The following DOCK6 variants were observed in gnomAD, a reference collection of about 807,000 sequenced individuals.
DOCK6 encodes dedicator of cytokinesis 6, also known as dedicator of cytokinesis protein 6.
A neutral mutation model predicts 230.3 loss-of-function variants in DOCK6; 167 were observed. The ratio of observed to expected loss-of-function variants is 0.73; its 90% CI spans 0.64 to 0.82. The LOEUF (loss-of-function observed/expected upper bound fraction) is 0.82, where lower values mean the gene tolerates loss of function less well. Among genes scored for constraint, DOCK6 ranks in the 40% least tolerant of loss-of-function variants. The pLI is 0.00. For synonymous variants in DOCK6, 1,148 were observed against 1,185.0 expected, an observed-to-expected ratio of 0.97 and a Z score of 0.64; for missense variants, 2,598 against 2,825.8, an observed-to-expected ratio of 0.92 and a Z score of 1.83.
At chr19:11,245,983 G>T in intron 7 of DOCK6, 105 bp from the exon 8 acceptor site, 2 of 1,312,212 alleles carry the variant, frequency 1.5e-6, no homozygotes, top group Non-Finnish European at 2.1e-6. Flanking sequence ...CTCCCACTGG[G>T]CCACATGGAA....
At chr19:11,235,504 G>T in intron 21 of DOCK6, 94 bp downstream of exon 21, 1 of 1,277,542 alleles carries the variant, frequency 7.8e-7, no homozygotes, top group Non-Finnish European at 1.1e-6. Flanking sequence ...ATCCAGCTCG[G>T]CCTCCCAAAG....
intron 1 of DOCK6, among the ~76,000 whole-genome samples, chr19:11,255,471 GC>G (rs2147886223): frequency 6.6e-6 from 1 of 151,984 alleles, no homozygotes; most frequent in African/African-American, 2.4e-5. Flanking sequence ...GCACCACCAT[GC>G]CTGGTTAATC....
chr19:11,252,413 C>T, intron 4 of DOCK6, 69 bp downstream of exon 4: 1 of 1,594,394 alleles, frequency 6.3e-7, no homozygotes, highest in Non-Finnish European at 8.6e-7. Context: ...CACAGTAGGA[C>T]CGGCTGCAGA....
At chr19:11,206,562 GAAAA>G (rs149263586) in intron 39 of DOCK6, among the ~76,000 whole-genome samples, 2,651 of 144,778 alleles carry the variant, frequency 0.018, 89 homozygotes, top group African/African-American at 0.064. Flanking sequence ...CCCTGTCTCA[GAAAA>G]AAAAAAGAAA....
chr19:11,228,164 C>T lies in DOCK6; in HGVS notation c.2815-687G>A, dbSNP rs116162188. On this transcript the variant is annotated intron_variant, in intron 23 of 47. Coordinates refer to ENST00000294618, the MANE Select transcript of DOCK6 (RefSeq NM_020812.4). ...TAGCTGAGATTACAGGCACGCACTA[C>T]TACGCCCGGCTAACTTTTGTATTTT... 1.7e-3 allele frequency among the ~76,000 whole-genome samples: 256 copies of T among 152,168 alleles called. 1 individual carries two copies. The highest frequency in any genetic ancestry group is 0.01 in the Middle Eastern group (3 of 294).
At chr19:11,253,962 C>T (rs1390946592) in intron 1 of DOCK6, 9 of 423,290 alleles carry the variant, frequency 2.1e-5, no homozygotes, top group South Asian at 1.6e-4. Context: ...GAAGCCATCA[C>T]GGACTCTCCT....
chr19:11,228,855 C>A (rs2079715852), intron 23 of DOCK6, 85 bp downstream of exon 23: 3 of 1,362,196 alleles, frequency 2.2e-6, no homozygotes, highest in Non-Finnish European at 2.1e-6. Flanking sequence ...AGCCACTATG[C>A]CTGGCCAGGG....
At chr19:11,245,416 G>T in intron 9 of DOCK6, 147 bp downstream of exon 9, 1 of 869,840 alleles carries the variant, frequency 1.1e-6, no homozygotes. Context: ...CACCTGAGTT[G>T]GATCAGGGGC....
intron 7 of DOCK6, 171 bp downstream of exon 7, chr19:11,247,895 C>G: frequency 3.3e-6 from 2 of 605,542 alleles, no homozygotes; most frequent in East Asian, 5.6e-5. Flanking sequence ...ATTGGAGACT[C>G]GGGATAATGA....
intron 28 of DOCK6, 81 bp downstream of exon 28, chr19:11,221,770 G>A: frequency 6.2e-7 from 1 of 1,600,216 alleles, no homozygotes; most frequent in Non-Finnish European, 8.6e-7. Context: ...CAGTGACTGT[G>A]TTCTCCCACC....
intron 1 of DOCK6, among the ~76,000 whole-genome samples, chr19:11,261,623 A>T (rs1037373947): frequency 3.9e-5 from 6 of 152,022 alleles, no homozygotes; most frequent in Non-Finnish European, 8.8e-5. Context: ...AGAGAGTCTG[A>T]TATACCCCTC....
At chr19:11,251,653 G>C (rs1321900341) in intron 5 of DOCK6, 1 of 153,558 alleles carries the variant, frequency 6.5e-6, no homozygotes, top group Non-Finnish European at 1.5e-5. Flanking sequence ...CCGGGAGGTG[G>C]AGGTTGCAGT....
Position 11,248,059 on chromosome 19 carries a change from T to C in DOCK6, c.806+7A>G, listed in dbSNP as rs771780724. On this transcript the variant is annotated splice_region_variant and intron_variant, in intron 7 of 47. Coordinates refer to ENST00000294618, the MANE Select transcript of DOCK6 (RefSeq NM_020812.4). ...ATCTAAGAAGAGAGACATGTCAGTA[T>C]ACTCACTTGAGCGACAGACACTTGA... The C allele has an allele frequency of 6.2e-6, 10 of 1,609,318 alleles. No individual in the cohort carries two copies. In the East Asian group the frequency reaches 2.2e-4, roughly 36 times the overall value.
chr19:11,215,936 G>T lies in DOCK6; in HGVS notation c.3895-9C>A. ...TCAAAGGCCTTTTTCCCCTGGGGGTGCAGAGAACTGGGGTTCCAGGCTGAC... is the reference window on the plus strand; with the variant it reads ...TCAAAGGCCTTTTTCCCCTGGGGGTTCAGAGAACTGGGGTTCCAGGCTGAC... On this transcript the variant is annotated splice_polypyrimidine_tract_variant and intron_variant, in intron 30 of 47. Coordinates refer to ENST00000294618, the MANE Select transcript of DOCK6 (RefSeq NM_020812.4). The T allele has an allele frequency of 6.2e-7, 1 of 1,613,724 alleles. No homozygotes were observed. The highest frequency in any genetic ancestry group is 1.3e-5 in the African/African-American group (1 of 75,010).
intron 13 of DOCK6, 89 bp downstream of exon 13, chr19:11,242,970 T>C (rs1039816547): frequency 6.8e-7 from 1 of 1,476,652 alleles, no homozygotes; most frequent in Non-Finnish European, 9.4e-7. Context: ...GGGTCTCTGA[T>C]GCCCCTGGCA....
Position 11,243,971 on chromosome 19 carries a change from G to A in DOCK6, c.1024-89C>T. 1 of 1,397,932 alleles carries A rather than the reference G, an allele frequency of 7.2e-7. No individual in the cohort carries two copies. The highest frequency in any genetic ancestry group is 2.5e-5 in the East Asian group (1 of 40,254). The allele number at this position is 1,397,932 out of a possible 1,614,324, so 86.6% of individuals were successfully genotyped here. A position where few individuals can be genotyped will look rare whatever the true frequency, so the allele number is the denominator to read the frequency against. On this transcript the variant is annotated intron_variant, in intron 9 of 47. Coordinates refer to ENST00000294618, the MANE Select transcript of DOCK6 (RefSeq NM_020812.4). This position sits in a 1 kb window ranked among gnomAD's most constrained non-coding sequence, Gnocchi z 6.3. ...TCCCCAGCCTCCTGGACCCCTCATG[G>A]GCCCTCGGACACTCCTAACATATGA...
chr19:11,235,579 G>A lies in DOCK6; in HGVS notation c.2554+19C>T. 1 of 1,565,496 alleles carries A rather than the reference G, an allele frequency of 6.4e-7. No individual in the cohort carries two copies. The highest frequency in any genetic ancestry group is 8.7e-7 in the Non-Finnish European group (1 of 1,149,934). ...TCTCCCAGATATTTCTCGTCTCACAGGGATTTCTACAAACTCACCATCCGG... is the reference window on the plus strand; with the variant it reads ...TCTCCCAGATATTTCTCGTCTCACAAGGATTTCTACAAACTCACCATCCGG... On this transcript the variant is annotated intron_variant, in intron 21 of 47. Coordinates refer to ENST00000294618, the MANE Select transcript of DOCK6 (RefSeq NM_020812.4).
rs12971537 is a variant in DOCK6, at chr19:11,222,682, G to T, written c.3240+53C>A. ...ATGAGGGAACCATAGGAGATGGACTGAAGGTGAGAGGTTGTAGGTCAAAGA... is the reference window on the plus strand; with the variant it reads ...ATGAGGGAACCATAGGAGATGGACTTAAGGTGAGAGGTTGTAGGTCAAAGA... On this transcript the variant is annotated intron_variant, in intron 26 of 47. Transcript: ENST00000294618. This position sits in a 1 kb window ranked among gnomAD's most constrained non-coding sequence, Gnocchi z 4.0. The T allele has an allele frequency of 0.12, 177,679 of 1,500,386 alleles. 12,089 individuals are homozygous for T. The highest frequency in any genetic ancestry group is 0.24 in the East Asian group (9,778 of 40,548). 92.9% of individuals were successfully genotyped at this position (1,500,386 alleles called of 1,614,324 possible).
chr19:11,212,104 C>T lies in DOCK6; in HGVS notation c.4539G>A (p.Leu1513=). The stretch of plus-strand genomic sequence containing the variant: ...CACTGAAGTTCTGCGTCGTCCCCAC[C>T]AGGGACGAGAGAGACATGGTGACCT... ...KMQVTMSLSS[L]VGTTQNFSEE... The change falls in exon 36 of 48, where the codon CTG becomes CTA. Residue 1513 remains leucine (L), a synonymous_variant. Transcript: ENST00000294618. The T allele has an allele frequency of 1.2e-6, 2 of 1,612,430 alleles. No individual in the cohort carries two copies. Among genetic ancestry groups the T allele is most frequent in the Non-Finnish European group, 1.7e-6 (2 of 1,179,736 alleles).
Sources: allele counts gnomAD v4.1 joint callset (sites outside exome capture counted in the v4.1 genomes callset), GRCh38; gene constraint gnomAD v4.1.1; non-coding constraint Gnocchi (gnomAD v3.1); transcripts MANE v1.5; gene names NCBI Gene and HGNC (gene_info 2026-07-23, HGNC 2026-07-21).